The following FCHSD2 variants were observed in gnomAD, a reference collection of about 807,000 sequenced individuals.
FCHSD2 encodes F-BAR and double SH3 domains protein 2.
In FCHSD2, 38 loss-of-function variants were observed where a neutral mutation model predicts 108.1. That is an observed-to-expected ratio of 0.35 (90% confidence interval 0.27 to 0.46). FCHSD2 has a LOEUF of 0.46. FCHSD2 is among the 20% of genes least tolerant of loss of function. FCHSD2 has a pLI of 1.00. For missense variants in FCHSD2, 751 were observed against 897.8 expected, an observed-to-expected ratio of 0.84 and a Z score of 2.09; for synonymous variants, 279 against 314.7, an observed-to-expected ratio of 0.89 and a Z score of 1.20.
intron 8 of FCHSD2, among the ~76,000 whole-genome samples, chr11:72,973,999 T>C (rs562937285): frequency 7.0e-6 from 1 of 142,312 alleles, no homozygotes; most frequent in East Asian, 2.1e-4. Flanking sequence ...CAATTAATTG[T>C]GAAATAATCA....
intron 3 of FCHSD2, among the ~76,000 whole-genome samples, chr11:73,055,581 A>G (rs547586322): frequency 1.3e-5 from 2 of 152,330 alleles, no homozygotes; most frequent in South Asian, 4.1e-4. Flanking sequence ...TATTTATTTC[A>G]TTAAGATTTT....
chr11:73,131,631 A>C (rs1477671589), intron 2 of FCHSD2, among the ~76,000 whole-genome samples: 1 of 151,858 alleles, frequency 6.6e-6, no homozygotes, highest in Non-Finnish European at 1.5e-5. Flanking sequence ...TTGAGTCTGG[A>C]AGGCAGAGGT....
chr11:72,896,277 T>A (rs185939617), intron 10 of FCHSD2, among the ~76,000 whole-genome samples: 5 of 152,212 alleles, frequency 3.3e-5, no homozygotes, highest in Non-Finnish European at 5.9e-5. Flanking sequence ...AAGGGGAAAG[T>A]GTATTCTCAT....
chr11:72,873,328 C>CAA (rs200837586), intron 12 of FCHSD2, among the ~76,000 whole-genome samples: 25 of 121,434 alleles, frequency 2.1e-4, no homozygotes, highest in African/African-American at 5.7e-4. Context: ...GACTCTGTTT[C>CAA]AAAAAAAAAA....
At chr11:73,080,207 G>A (rs1261206547) in intron 3 of FCHSD2, among the ~76,000 whole-genome samples, 1 of 149,608 alleles carries the variant, frequency 6.7e-6, no homozygotes, top group African/African-American at 2.5e-5. Flanking sequence ...TGAGGCAGAA[G>A]GATCACATGA....
At position 73,141,895 on chromosome 11, in the gene FCHSD2, A is replaced by G; in HGVS notation, c.-18T>C. On this transcript the variant is annotated 5_prime_UTR_variant, in exon 1 of 20. Coordinates refer to ENST00000409418, the MANE Select transcript of FCHSD2 (RefSeq NM_014824.3). ...GGCTGCATGATGCTGAAGGGACATC[A>G]ATCCTCCCCGACGGCAGCGTTAGCA... 1 of 1,542,676 alleles carries G rather than the reference A, an allele frequency of 6.5e-7. No homozygotes were observed. The highest frequency in any genetic ancestry group is 1.4e-5 in the African/African-American group (1 of 72,738).
chr11:73,127,576 G>T (rs1860888282), intron 2 of FCHSD2, among the ~76,000 whole-genome samples: 1 of 152,176 alleles, frequency 6.6e-6, no homozygotes, highest in South Asian at 2.1e-4. Context: ...AATGGCATCT[G>T]TGGGGCTCAA....
chr11:73,077,110 A>G (rs1859574125), intron 3 of FCHSD2, among the ~76,000 whole-genome samples: 2 of 150,474 alleles, frequency 1.3e-5, no homozygotes, highest in South Asian at 4.2e-4. Context: ...AAAAAAAAAA[A>G]AAAGAAAAAG....
At chr11:73,050,529 C>T (rs1378506016) in intron 3 of FCHSD2, among the ~76,000 whole-genome samples, 1 of 152,066 alleles carries the variant, frequency 6.6e-6, no homozygotes, top group African/African-American at 2.4e-5. Context: ...TAGTTCCTTT[C>T]GTGGGACAAC....
intron 8 of FCHSD2, 118 bp from the exon 9 acceptor site, chr11:72,922,068 G>A: frequency 2.4e-5 from 15 of 622,952 alleles, no homozygotes; most frequent in South Asian, 1.1e-4. Context: ...AATAATAAAT[G>A]GACAAAAGAT....
At chr11:72,934,322 G>A (rs1856256993) in intron 8 of FCHSD2, among the ~76,000 whole-genome samples, 1 of 150,002 alleles carries the variant, frequency 6.7e-6, no homozygotes, top group Admixed American at 6.7e-5. Context: ...CCTCTATGAA[G>A]AGCCATGCCT....
In FCHSD2 at chr11:72,998,544, A is replaced by G. The variant is rs540083734; in HGVS notation, c.387+2446T>C. 2.0e-5 allele frequency among the ~76,000 whole-genome samples: 3 copies of G among 152,328 alleles called. No individual in the cohort carries two copies. In the East Asian group the frequency reaches 5.8e-4, roughly 29 times the overall value. ...TGACAGAGCGAGACTCTGTCTCAAAAAAAAAAAGTTAATTTGGAACAAGGA... is the reference window on the plus strand; with the variant it reads ...TGACAGAGCGAGACTCTGTCTCAAAGAAAAAAAGTTAATTTGGAACAAGGA... On this transcript the variant is annotated intron_variant, in intron 5 of 19. Coordinates refer to ENST00000409418, the MANE Select transcript of FCHSD2 (RefSeq NM_014824.3).
At chr11:73,056,685 T>A (rs913892438) in intron 3 of FCHSD2, among the ~76,000 whole-genome samples, 3 of 152,020 alleles carry the variant, frequency 2.0e-5, no homozygotes, top group Non-Finnish European at 4.4e-5. Flanking sequence ...GAAGAGAGCA[T>A]AACAGAACAA....
intron 8 of FCHSD2, among the ~76,000 whole-genome samples, chr11:72,980,530 A>G (rs1857192325): frequency 6.6e-6 from 1 of 152,142 alleles, no homozygotes; most frequent in African/African-American, 2.4e-5. Flanking sequence ...GATAACATGT[A>G]TTAAATGGTT....
At chr11:72,888,712 G>T (rs117191547) in intron 11 of FCHSD2, among the ~76,000 whole-genome samples, 2 of 150,814 alleles carry the variant, frequency 1.3e-5, no homozygotes, top group East Asian at 3.9e-4. Context: ...TCCACCTCCC[G>T]GGCTCAAGCA....
At chr11:72,945,290 A>C (rs1856498111) in intron 8 of FCHSD2, among the ~76,000 whole-genome samples, 1 of 152,170 alleles carries the variant, frequency 6.6e-6, no homozygotes, top group Non-Finnish European at 1.5e-5. Flanking sequence ...CAAAAACAAG[A>C]AATGGGGAAA....
chr11:73,069,544 GACAC>G (rs1307096283), intron 3 of FCHSD2, among the ~76,000 whole-genome samples: 2 of 151,910 alleles, frequency 1.3e-5, no homozygotes, highest in Non-Finnish European at 2.9e-5. Flanking sequence ...CCCTCAAATA[GACAC>G]AGTTAAATAG....
intron 3 of FCHSD2, among the ~76,000 whole-genome samples, chr11:73,081,172 A>T (rs926659547): frequency 6.6e-6 from 1 of 152,176 alleles, no homozygotes; most frequent in Admixed American, 6.5e-5. Context: ...ACTGTGGCTC[A>T]TGCCTGAAAT....
At chr11:73,052,168 G>A (rs997033374) in intron 3 of FCHSD2, among the ~76,000 whole-genome samples, 2 of 152,260 alleles carry the variant, frequency 1.3e-5, no homozygotes, top group African/African-American at 4.8e-5. Flanking sequence ...ATGGTGCTGT[G>A]AAGGAAGAAT....
Sources: allele counts gnomAD v4.1 joint callset (sites outside exome capture counted in the v4.1 genomes callset), GRCh38; gene constraint gnomAD v4.1.1; transcripts MANE v1.5; gene names NCBI Gene and HGNC (gene_info 2026-07-23, HGNC 2026-07-21).